Variants in PDE1C observed in about 807,000 individuals in gnomAD.
PDE1C encodes the protein dual specificity calcium/calmodulin-dependent 3',5'-cyclic nucleotide phosphodiesterase 1C.
PDE1C carries 62 observed loss-of-function variants against 93.1 expected under a neutral mutation model. That is an observed-to-expected ratio of 0.67 (90% CI 0.54 to 0.82). PDE1C has a LOEUF of 0.82. Among genes scored for constraint, PDE1C ranks in the 40% least tolerant of loss-of-function variants. The probability of loss-of-function intolerance (pLI) is 0.00; values close to 1 mark genes in which losing one functional copy is unlikely to be tolerated. For missense variants in PDE1C, 742 were observed against 884.6 expected, an observed-to-expected ratio of 0.84 and a Z score of 2.04; for synonymous variants, 325 against 310.1, an observed-to-expected ratio of 1.05 and a Z score of -0.50.
In PDE1C at chr7:31,755,777, T is replaced by C. The variant is rs528898577; in HGVS notation, c.1961-2224A>G. 4.5e-4 allele frequency among the ~76,000 whole-genome samples: 68 copies of C among 152,198 alleles called. 1 individual carries two copies. The highest frequency in any genetic ancestry group is 8.4e-4 in the Non-Finnish European group (57 of 68,024). On this transcript the variant is annotated intron_variant, in intron 17 of 17. Transcript: ENST00000396191. ...AAATGATTGAATAAATAAATAATTG[T>C]GGGAGAATAATTTATATACATATGC...
Position 32,087,456 on chromosome 7 carries a change from G to A in PDE1C, c.308+82329C>T, listed in dbSNP as rs1279122235. On this transcript the variant is annotated intron_variant, in intron 3 of 18. Coordinates refer to the PDE1C transcript ENST00000396193. ...AAGTCAGTGTGGCGATTCCTCAGGG[G>A]TCTAGAACTAGAAATACCATTTGAC... Among the ~76,000 whole-genome samples, 6 of 151,988 alleles carry A rather than the reference G, an allele frequency of 3.9e-5. No homozygotes were observed. The South Asian group carries it at 1.0e-3, about 26-fold the overall frequency.
At chr7:32,347,091 A>G (rs541157639) in intron 1 of PDE1C, among the ~76,000 whole-genome samples, 2 of 152,336 alleles carry the variant, frequency 1.3e-5, no homozygotes, top group Non-Finnish European at 2.9e-5. Flanking sequence ...TTACACCTCA[A>G]TGAAGTTGTT....
intron 1 of PDE1C, among the ~76,000 whole-genome samples, chr7:32,360,156 C>T (rs1445421232): frequency 6.6e-6 from 1 of 152,170 alleles, no homozygotes; most frequent in East Asian, 1.9e-4. Flanking sequence ...AACTCACTCT[C>T]CTGATCACGG....
chr7:32,353,728 G>A (rs902274038), intron 1 of PDE1C, among the ~76,000 whole-genome samples: 3 of 151,850 alleles, frequency 2.0e-5, no homozygotes, highest in Non-Finnish European at 4.4e-5. Flanking sequence ...TAAATTTCTT[G>A]CATGAGAGGA....
At chr7:31,619,913 G>C in the PDE1C span, among the ~76,000 whole-genome samples, 1 of 152,152 alleles carries the variant, frequency 6.6e-6, no homozygotes, top group African/African-American at 2.4e-5. Flanking sequence ...CAAATACTGC[G>C]CTTTTCCGAC....
At chr7:31,632,240 C>G in the PDE1C span, among the ~76,000 whole-genome samples, 1 of 151,862 alleles carries the variant, frequency 6.6e-6, no homozygotes, top group Non-Finnish European at 1.5e-5. Context: ...TGAGGTCAGG[C>G]GATCAAGACC....
chr7:31,773,627 A>T (rs1490870779), intron 17 of PDE1C, among the ~76,000 whole-genome samples: 1 of 152,078 alleles, frequency 6.6e-6, no homozygotes, highest in Admixed American at 6.5e-5. Flanking sequence ...ACTCAAAAGC[A>T]AGTCTGTAGA....
chr7:31,772,488 G>C (rs935838092), intron 17 of PDE1C, among the ~76,000 whole-genome samples: 1 of 148,826 alleles, frequency 6.7e-6, no homozygotes, highest in African/African-American at 2.5e-5. Flanking sequence ...AGCTGTCCCA[G>C]GGCTTCTGCA....
intron 2 of PDE1C, among the ~76,000 whole-genome samples, chr7:31,973,480 T>C (rs1811240837): frequency 6.6e-6 from 1 of 152,154 alleles, no homozygotes; most frequent in Non-Finnish European, 1.5e-5. Flanking sequence ...AAGTTTGATG[T>C]TATTTTTCAC....
chr7:32,382,490 G>A (rs1320731555), intron 1 of PDE1C, among the ~76,000 whole-genome samples: 1 of 152,138 alleles, frequency 6.6e-6, no homozygotes. Context: ...CACAGGCTGA[G>A]AGACCTCCAG....
chr7:32,184,936 A>G (rs2128815590), intron 2 of PDE1C, among the ~76,000 whole-genome samples: 1 of 152,132 alleles, frequency 6.6e-6, no homozygotes, highest in African/African-American at 2.4e-5. Flanking sequence ...ACGTGGAGAA[A>G]CCCCATCTCT....
the PDE1C span, among the ~76,000 whole-genome samples, chr7:31,641,529 C>T: frequency 3.9e-5 from 6 of 152,180 alleles, no homozygotes; most frequent in Admixed American, 3.9e-4. Context: ...TGGTAGCCAA[C>T]TATTTCCCCC....
intron 1 of PDE1C, among the ~76,000 whole-genome samples, chr7:32,052,563 A>G (rs1273095951): frequency 1.3e-5 from 2 of 152,234 alleles, no homozygotes; most frequent in African/African-American, 4.8e-5. Context: ...TCCGGGAAGT[A>G]CAATGTTTCC....
At chr7:31,831,126 G>C (rs1790326156) in intron 11 of PDE1C, among the ~76,000 whole-genome samples, 1 of 152,110 alleles carries the variant, frequency 6.6e-6, no homozygotes, top group African/African-American at 2.4e-5. Context: ...CAAATGTTTG[G>C]GAATGCAACA....
chr7:31,669,351 C>T, the PDE1C span, among the ~76,000 whole-genome samples: 3 of 152,114 alleles, frequency 2.0e-5, no homozygotes, highest in African/African-American at 7.2e-5. Context: ...ATTTGACCCA[C>T]TGTTAATCTT....
At chr7:32,362,681 C>T (rs1784157773) in intron 1 of PDE1C, among the ~76,000 whole-genome samples, 2 of 152,214 alleles carry the variant, frequency 1.3e-5, no homozygotes, top group Non-Finnish European at 2.9e-5. Flanking sequence ...TTCTTGTACA[C>T]ACCCTCCTCT....
intron 1 of PDE1C, among the ~76,000 whole-genome samples, chr7:32,226,528 A>C (rs1807281721): frequency 6.6e-6 from 1 of 152,218 alleles, no homozygotes. Context: ...TAAGAAGATG[A>C]AGCGGGCCTG....
chr7:31,621,737 A>T, the PDE1C span, among the ~76,000 whole-genome samples: 4 of 147,188 alleles, frequency 2.7e-5, no homozygotes, highest in South Asian at 2.1e-4. Context: ...TAATGACAGG[A>T]TCAAATTCAC....
the PDE1C span, among the ~76,000 whole-genome samples, chr7:31,704,253 G>A: frequency 1.3e-5 from 2 of 152,180 alleles, no homozygotes; most frequent in South Asian, 4.1e-4. Context: ...TTTCTCTCTA[G>A]TGTGATTTAT....
Sources: allele counts gnomAD v4.1 joint callset (sites outside exome capture counted in the v4.1 genomes callset), GRCh38; gene constraint gnomAD v4.1.1; transcripts MANE v1.5; gene names NCBI Gene and HGNC (gene_info 2026-07-23, HGNC 2026-07-21).